The following KCNQ5 variants were observed in gnomAD, a reference collection of about 807,000 sequenced individuals.
KCNQ5 encodes potassium voltage-gated channel subfamily KQT member 5.
KCNQ5 carries 30 observed loss-of-function variants against 98.2 expected under a neutral mutation model. The ratio of observed to expected loss-of-function variants is 0.31; its 90% confidence interval spans 0.23 to 0.41. KCNQ5 has a LOEUF of 0.41. KCNQ5 is among the 10% of genes least tolerant of loss of function. KCNQ5 has a pLI of 1.00. For synonymous variants in KCNQ5, 458 were observed against 449.4 expected, an observed-to-expected ratio of 1.02 and a Z score of -0.24; for missense variants, 835 against 1,182.5, an observed-to-expected ratio of 0.71 and a Z score of 4.31.
intron 1 of KCNQ5, among the ~76,000 whole-genome samples, chr6:72,761,986 G>T (rs1453588513): frequency 6.6e-6 from 1 of 152,002 alleles, no homozygotes; most frequent in South Asian, 2.1e-4. Context: ...TGGCTAAGAG[G>T]CCTGTGTAGA....
At chr6:72,718,692 G>A (rs535268387) in intron 1 of KCNQ5, among the ~76,000 whole-genome samples, 20 of 151,882 alleles carry the variant, frequency 1.3e-4, no homozygotes, top group African/African-American at 4.1e-4. Context: ...CTCGTGATCC[G>A]CCCACCTCAG....
intron 1 of KCNQ5, among the ~76,000 whole-genome samples, chr6:72,906,698 G>A (rs566514013): frequency 1.4e-4 from 21 of 152,326 alleles, no homozygotes; most frequent in African/African-American, 2.4e-4. Context: ...GTTCAGGGGC[G>A]GAGGATCTCC....
Position 72,941,064 on chromosome 6 carries a change from T to C in KCNQ5, c.399-62844T>C, listed in dbSNP as rs77233430. 2.8e-3 allele frequency among the ~76,000 whole-genome samples: 420 copies of C among 152,332 alleles called. 3 individuals are homozygous for C. The highest frequency in any genetic ancestry group is 0.026 in the East Asian group (134 of 5,184). Reference sequence around the variant, plus strand: ...CAAAGATTCAGAAATCCCTGTTCCATAAGATGGTCATCAGACCGAAATGTT... The same window carrying C: ...CAAAGATTCAGAAATCCCTGTTCCACAAGATGGTCATCAGACCGAAATGTT... On this transcript the variant is annotated intron_variant, in intron 1 of 13. Transcript: ENST00000370398.
At chr6:72,791,221 G>C (rs1176554229) in intron 1 of KCNQ5, among the ~76,000 whole-genome samples, 1 of 152,126 alleles carries the variant, frequency 6.6e-6, no homozygotes, top group African/African-American at 2.4e-5. Context: ...ATGCATATGA[G>C]AGCAATAGAA....
intron 1 of KCNQ5, chr6:72,806,878 G>A (rs570208274): frequency 2.3e-6 from 1 of 441,554 alleles, no homozygotes; most frequent in East Asian, 7.4e-5. Flanking sequence ...TCTCCCATAT[G>A]AGAATAAGAT....
At chr6:73,102,048 A>G (rs1000943068) in intron 5 of KCNQ5, among the ~76,000 whole-genome samples, 4 of 152,208 alleles carry the variant, frequency 2.6e-5, no homozygotes, top group Admixed American at 1.3e-4. Context: ...GCATAAAAAC[A>G]TATACTGACC....
intron 3 of KCNQ5, among the ~76,000 whole-genome samples, chr6:73,049,639 G>A (rs1772124660): frequency 6.6e-6 from 1 of 152,148 alleles, no homozygotes; most frequent in Non-Finnish European, 1.5e-5. Flanking sequence ...TAACAGATCA[G>A]TGGAAAACCA....
intron 10 of KCNQ5, among the ~76,000 whole-genome samples, chr6:73,164,791 A>G (rs1013313180): frequency 6.6e-5 from 10 of 152,150 alleles, no homozygotes; most frequent in Non-Finnish European, 1.3e-4. Context: ...AGTGTTTTCA[A>G]ATACAGAAAT....
At chr6:73,187,813 G>A (rs72948821) in intron 11 of KCNQ5, among the ~76,000 whole-genome samples, 163 of 152,260 alleles carry the variant, frequency 1.1e-3, no homozygotes, top group Non-Finnish European at 1.8e-3. Flanking sequence ...GTGCTAGAGT[G>A]CAATATTATC....
intron 1 of KCNQ5, among the ~76,000 whole-genome samples, chr6:72,767,713 T>C (rs1772649354): frequency 6.6e-6 from 1 of 152,126 alleles, no homozygotes; most frequent in East Asian, 1.9e-4. Context: ...GATACGCAGA[T>C]GGCAAGTAAT....
intron 1 of KCNQ5, among the ~76,000 whole-genome samples, chr6:72,863,222 C>A (rs1332637349): frequency 6.6e-6 from 1 of 152,104 alleles, no homozygotes; most frequent in Non-Finnish European, 1.5e-5. Flanking sequence ...CCTTTTCCTG[C>A]CCATACTAAA....
chr6:72,878,184 C>T (rs1778495876), intron 1 of KCNQ5, among the ~76,000 whole-genome samples: 1 of 152,264 alleles, frequency 6.6e-6, no homozygotes, highest in South Asian at 2.1e-4. Flanking sequence ...GCAGGAGAAT[C>T]GCCTGAACCT....
At chr6:72,831,651 C>T (rs1441896441) in intron 1 of KCNQ5, among the ~76,000 whole-genome samples, 7 of 151,228 alleles carry the variant, frequency 4.6e-5, no homozygotes, top group African/African-American at 1.7e-4. Context: ...GTGGGTGCAG[C>T]ACACCAACAT....
At chr6:72,853,122 A>G (rs929433449) in intron 1 of KCNQ5, among the ~76,000 whole-genome samples, 1 of 152,190 alleles carries the variant, frequency 6.6e-6, no homozygotes, top group Non-Finnish European at 1.5e-5. Context: ...TTGATCCTTT[A>G]TATCAATTTA....
intron 1 of KCNQ5, among the ~76,000 whole-genome samples, chr6:72,695,327 T>C (rs1020019682): frequency 7.9e-5 from 12 of 152,146 alleles, no homozygotes; most frequent in Non-Finnish European, 1.6e-4. Flanking sequence ...TCAATAACAT[T>C]TTTATTTCTA....
At chr6:73,179,057 C>A (rs1778317901) in intron 11 of KCNQ5, among the ~76,000 whole-genome samples, 1 of 152,014 alleles carries the variant, frequency 6.6e-6, no homozygotes. Flanking sequence ...GCCTTGGGGT[C>A]CGTGCTTTTA....
chr6:72,648,072 A>G (rs982723142), intron 1 of KCNQ5, among the ~76,000 whole-genome samples: 9 of 152,178 alleles, frequency 5.9e-5, no homozygotes, highest in East Asian at 1.9e-4. Flanking sequence ...ACTGATGACT[A>G]CCACACAGAG....
At chr6:73,075,438 G>A (rs1206847629) in intron 3 of KCNQ5, among the ~76,000 whole-genome samples, 1 of 152,036 alleles carries the variant, frequency 6.6e-6, no homozygotes, top group Admixed American at 6.6e-5. Context: ...GGCCAGGATG[G>A]TCTCGATCTC....
intron 1 of KCNQ5, among the ~76,000 whole-genome samples, chr6:72,812,423 T>C (rs567405722): frequency 1.6e-4 from 25 of 152,346 alleles, no homozygotes; most frequent in Non-Finnish European, 2.6e-4. Flanking sequence ...GTTTATTGAA[T>C]GAAATCATAT....
Sources: gnomAD v4.1 joint callset for allele counts (sites outside exome capture counted in the v4.1 genomes callset) on GRCh38, gnomAD v4.1.1 for gene constraint, MANE v1.5 for transcripts, NCBI Gene and HGNC (gene_info 2026-07-23, HGNC 2026-07-21) for gene names.